The following SOX5 variants were observed in gnomAD, a reference collection of about 807,000 sequenced individuals.
SOX5 encodes the protein transcription factor SOX-5.
A neutral mutation model predicts 92.0 loss-of-function variants in SOX5; 9 were observed. That is an observed-to-expected ratio of 0.10 (90% CI 0.06 to 0.17). SOX5 has a LOEUF of 0.17. Among genes scored for constraint, SOX5 ranks in the 10% least tolerant of loss-of-function variants. The probability of loss-of-function intolerance (pLI) is 1.00; values close to 1 mark genes in which losing one functional copy is unlikely to be tolerated. For synonymous variants in SOX5, 344 were observed against 336.3 expected (o/e 1.02, Z -0.25); for missense variants, 642 against 944.5 (o/e 0.68, Z 4.20).
chr12:24,191,191 C>G (rs906532242), intron 4 of SOX5, among the ~76,000 whole-genome samples: 1 of 152,160 alleles, frequency 6.6e-6, no homozygotes, highest in African/African-American at 2.4e-5. Context: ...AAGAAGACGA[C>G]AGTGATTTGA....
chr12:23,680,305 G>C, intron 6 of SOX5, among the ~76,000 whole-genome samples: 1 of 121,566 alleles, frequency 8.2e-6, no homozygotes, highest in South Asian at 2.8e-4. Context: ...CAGCCTGGGT[G>C]ACAGAGTGAG....
At chr12:23,976,422 A>G (rs980308252) in intron 4 of SOX5, among the ~76,000 whole-genome samples, 6 of 149,452 alleles carry the variant, frequency 4.0e-5, no homozygotes, top group Admixed American at 2.0e-4. Context: ...AAAAAAAAAA[A>G]AAGAAGAGAA....
chr12:23,950,736 G>C, upstream of SOX5: 1 of 779,772 alleles, frequency 1.3e-6, no homozygotes, highest in Non-Finnish European at 2.1e-6. Context: ...TTCTAAGCTG[G>C]CTGGCAAGGC....
At chr12:23,986,316 A>G (rs1182109331) in intron 4 of SOX5, among the ~76,000 whole-genome samples, 1 of 152,142 alleles carries the variant, frequency 6.6e-6, no homozygotes, top group East Asian at 1.9e-4. Flanking sequence ...CATACGACAA[A>G]ATCCCAGGCC....
intron 2 of SOX5, among the ~76,000 whole-genome samples, chr12:24,300,061 T>C (rs758992117): frequency 6.6e-6 from 1 of 152,226 alleles, no homozygotes; most frequent in Non-Finnish European, 1.5e-5. Context: ...ATTTAGGGAA[T>C]ATCTGAGAAC....
chr12:24,203,056 A>G (rs1957684942), intron 4 of SOX5, among the ~76,000 whole-genome samples: 1 of 152,132 alleles, frequency 6.6e-6, no homozygotes, highest in African/African-American at 2.4e-5. Context: ...GTGACTTTCT[A>G]TTTCCATCAT....
chr12:23,993,864 A>AATGTATGTATGTATGT (rs5797056), intron 4 of SOX5, among the ~76,000 whole-genome samples: 1 of 146,514 alleles, frequency 6.8e-6, no homozygotes, highest in Non-Finnish European at 1.5e-5. Context: ...CTCCCTATGA[A>AATGTATGTATGTATGT]ATGTATGTAT....
intron 4 of SOX5, among the ~76,000 whole-genome samples, chr12:24,134,460 T>G (rs1317007792): frequency 6.6e-6 from 1 of 152,170 alleles, no homozygotes; most frequent in African/African-American, 2.4e-5. Context: ...TAGAGAAAAC[T>G]TTAATAAAAA....
chr12:23,741,401 T>C (rs1262373416), intron 4 of SOX5, among the ~76,000 whole-genome samples: 1 of 152,176 alleles, frequency 6.6e-6, no homozygotes, highest in Non-Finnish European at 1.5e-5. Context: ...GAACATCTAC[T>C]GTTTTTAATA....
intron 1 of SOX5, among the ~76,000 whole-genome samples, chr12:24,381,097 C>T (rs150447033): frequency 2.0e-4 from 31 of 152,286 alleles, no homozygotes; most frequent in African/African-American, 7.2e-4. Context: ...AGTGTGAAGA[C>T]CTTATCTTTG....
intron 6 of SOX5, among the ~76,000 whole-genome samples, chr12:23,733,083 T>G (rs1412424646): frequency 6.6e-6 from 1 of 152,190 alleles, no homozygotes; most frequent in Non-Finnish European, 1.5e-5. Context: ...CTAATCTAAT[T>G]GGTCGGAACA....
chr12:24,480,773 T>C (rs1021553184), intron 1 of SOX5, among the ~76,000 whole-genome samples: 13 of 151,746 alleles, frequency 8.6e-5, no homozygotes, highest in African/African-American at 2.9e-4. Context: ...TAGCAAGGAT[T>C]TGGAGTAAAG....
At chr12:23,847,415 T>C (rs555019007) in intron 2 of SOX5, among the ~76,000 whole-genome samples, 18 of 152,164 alleles carry the variant, frequency 1.2e-4, no homozygotes, top group Non-Finnish European at 2.2e-4. Flanking sequence ...TTCCAAAAAG[T>C]AACAAATCAC....
intron 6 of SOX5, among the ~76,000 whole-genome samples, chr12:23,689,762 A>G (rs962592638): frequency 1.3e-5 from 2 of 152,196 alleles, no homozygotes; most frequent in African/African-American, 4.8e-5. Context: ...AAGGAGAAAG[A>G]AACATGAGAG....
intron 4 of SOX5, among the ~76,000 whole-genome samples, chr12:24,126,689 T>A (rs1377778279): frequency 6.6e-6 from 1 of 152,192 alleles, no homozygotes; most frequent in Non-Finnish European, 1.5e-5. Flanking sequence ...TACTTTGGGT[T>A]CTTTCTGCCC....
chr12:23,588,870 C>A (rs1951122295), intron 9 of SOX5, among the ~76,000 whole-genome samples: 1 of 152,008 alleles, frequency 6.6e-6, no homozygotes, highest in South Asian at 2.1e-4. Flanking sequence ...TTTTACTATA[C>A]CTTTTCTATG....
chr12:24,312,575 C>T (rs982396932), intron 2 of SOX5, among the ~76,000 whole-genome samples: 2 of 152,146 alleles, frequency 1.3e-5, no homozygotes, highest in Admixed American at 6.6e-5. Flanking sequence ...TAGAACAGTG[C>T]TTGGCACATA....
At chr12:23,639,651 A>C (rs927409903) in intron 8 of SOX5, among the ~76,000 whole-genome samples, 1 of 152,212 alleles carries the variant, frequency 6.6e-6, no homozygotes, top group African/African-American at 2.4e-5. Context: ...AAGAAAACAG[A>C]TACTCACAGT....
intron 10 of SOX5, among the ~76,000 whole-genome samples, chr12:23,574,095 A>G (rs1385546395): frequency 6.6e-6 from 1 of 151,714 alleles, no homozygotes; most frequent in Non-Finnish European, 1.5e-5. Context: ...AGCAATAAAT[A>G]ATACATTAGT....
Sources: allele counts gnomAD v4.1 joint callset (sites outside exome capture counted in the v4.1 genomes callset), GRCh38; gene constraint gnomAD v4.1.1; transcripts MANE v1.5; gene names NCBI Gene and HGNC (gene_info 2026-07-23, HGNC 2026-07-21).